Variants in CDH13 observed in about 807,000 individuals in gnomAD.
The protein encoded by CDH13 is cadherin-13.
In CDH13, 24 loss-of-function variants were observed where a neutral mutation model predicts 63.8. The ratio of observed to expected loss-of-function variants is 0.38; its 90% confidence interval spans 0.27 to 0.53. The LOEUF is 0.53. Ranked by LOEUF, CDH13 falls within the 20% of genes least tolerant of loss-of-function variation. CDH13 has a pLI of 0.85. For synonymous variants in CDH13, 503 were observed against 355.3 expected, an observed-to-expected ratio of 1.42 and a Z score of -4.67; for missense variants, 1,049 against 903.1, an observed-to-expected ratio of 1.16 and a Z score of -2.07.
chr16:82,942,373 G>T (rs976934065), intron 2 of CDH13, among the ~76,000 whole-genome samples: 3 of 152,136 alleles, frequency 2.0e-5, no homozygotes, highest in African/African-American at 7.2e-5. Flanking sequence ...ATTTAACCTT[G>T]TGCCAATATG....
intron 3 of CDH13, among the ~76,000 whole-genome samples, chr16:83,095,399 G>T (rs1393895589): frequency 6.6e-6 from 1 of 152,152 alleles, no homozygotes; most frequent in Non-Finnish European, 1.5e-5. Flanking sequence ...TTATCATCTT[G>T]TGCTGGCAAT....
At chr16:83,270,345 T>G (rs901494387) in intron 5 of CDH13, among the ~76,000 whole-genome samples, 1 of 152,202 alleles carries the variant, frequency 6.6e-6, no homozygotes, top group African/African-American at 2.4e-5. Context: ...TTTTACAGTC[T>G]GGGATGTGGC....
At position 83,125,479 on chromosome 16, in the gene CDH13, CT is replaced by C; in HGVS notation, c.464del (p.Phe155SerfsTer8). On this transcript the variant is annotated frameshift_variant, in exon 4 of 14. Transcript: ENST00000567109. LOFTEE classifies it high-confidence loss of function. ...TTAATTCCAGAGAATCAGAGACAGC[CT>C]TTCCCAAGAGATGTTGGCAAGGTAA... is the stretch of plus-strand genomic sequence containing the variant. ...PILIPENQRQPFPRDVGKVVD... is the reference protein window; with the variant it reads ...PILIPENQRQXFPRDVGKVVD... 6.2e-7 allele frequency: 1 copy of C among 1,603,196 alleles called. No homozygotes were observed. Among genetic ancestry groups the C allele is most frequent in the South Asian group, 1.1e-5 (1 of 90,732 alleles).
chr16:83,379,223 A>G (rs778597667), intron 6 of CDH13, among the ~76,000 whole-genome samples: 2 of 152,178 alleles, frequency 1.3e-5, no homozygotes, highest in Non-Finnish European at 2.9e-5. Context: ...TAACAACTGT[A>G]TATGGTTTAG....
chr16:83,679,282 G>A (rs751245735), intron 10 of CDH13, among the ~76,000 whole-genome samples: 12 of 152,258 alleles, frequency 7.9e-5, no homozygotes, highest in Non-Finnish European at 1.2e-4. Context: ...TTAAATCAGC[G>A]TGCAGATCCA....
intron 2 of CDH13, among the ~76,000 whole-genome samples, chr16:83,010,351 C>T (rs1465026328): frequency 6.6e-6 from 1 of 152,038 alleles, no homozygotes; most frequent in Non-Finnish European, 1.5e-5. Flanking sequence ...CCCCTCCCAC[C>T]TGCATTAACT....
intron 2 of CDH13, among the ~76,000 whole-genome samples, chr16:82,989,688 AG>A (rs1230194064): frequency 6.6e-6 from 1 of 152,208 alleles, no homozygotes; most frequent in Non-Finnish European, 1.5e-5. Flanking sequence ...TTCAAGGTGC[AG>A]GGTATTGCCT....
intron 3 of CDH13, among the ~76,000 whole-genome samples, chr16:83,035,214 CA>C (rs1175020334): frequency 6.6e-6 from 1 of 152,152 alleles, no homozygotes; most frequent in African/African-American, 2.4e-5. Flanking sequence ...TGTGTGCAGC[CA>C]AGTGGGCCAG....
chr16:82,722,362 C>T (rs1444803799), intron 1 of CDH13, among the ~76,000 whole-genome samples: 2 of 152,114 alleles, frequency 1.3e-5, no homozygotes, highest in Non-Finnish European at 2.9e-5. Context: ...CCATGTGATA[C>T]CGGCTATTGG....
intron 3 of CDH13, among the ~76,000 whole-genome samples, chr16:83,056,433 C>G (rs1056799215): frequency 2.0e-4 from 30 of 150,590 alleles, no homozygotes; most frequent in African/African-American, 7.1e-4. Context: ...AATTTTGGCA[C>G]ATATATCATA....
chr16:82,700,041 G>T (rs1043661022), intron 1 of CDH13, among the ~76,000 whole-genome samples: 2 of 151,742 alleles, frequency 1.3e-5, no homozygotes, highest in African/African-American at 4.9e-5. Flanking sequence ...TGTTACAGAA[G>T]TTTGGTCTTT....
intron 1 of CDH13, among the ~76,000 whole-genome samples, chr16:82,821,099 C>A (rs1269753155): frequency 2.0e-5 from 3 of 152,194 alleles, no homozygotes; most frequent in Non-Finnish European, 2.9e-5. Context: ...AGCTTGCAAA[C>A]TGATGACTAC....
At chr16:83,470,571 A>C (rs1403498746) in intron 6 of CDH13, among the ~76,000 whole-genome samples, 1 of 152,200 alleles carries the variant, frequency 6.6e-6, no homozygotes, top group African/African-American at 2.4e-5. Flanking sequence ...TCATTGCCTC[A>C]AAGTTGCCAC....
At chr16:83,055,814 C>T (rs1334735927) in intron 3 of CDH13, among the ~76,000 whole-genome samples, 2 of 152,068 alleles carry the variant, frequency 1.3e-5, no homozygotes, top group Non-Finnish European at 2.9e-5. Context: ...AATTATAAGC[C>T]AGTCTCTCTA....
rs556006078 is a variant in CDH13, at chr16:83,709,414, C to T, written c.1538+30953C>T. 1.5e-3 allele frequency among the ~76,000 whole-genome samples: 225 copies of T among 152,342 alleles called. 1 individual carries two copies. The highest frequency in any genetic ancestry group is 2.1e-3 in the Non-Finnish European group (146 of 68,030). On this transcript the variant is annotated intron_variant, in intron 10 of 13. Transcript: ENST00000567109. Reference sequence around the variant, plus strand: ...CAGCGGACTCCCTCTATAATCAGTACGGTCCATTCAGCATTCATCCATGCA... The same window carrying T: ...CAGCGGACTCCCTCTATAATCAGTATGGTCCATTCAGCATTCATCCATGCA...
intron 3 of CDH13, among the ~76,000 whole-genome samples, chr16:83,117,980 T>G (rs945916055): frequency 2.6e-5 from 4 of 152,202 alleles, no homozygotes; most frequent in Non-Finnish European, 5.9e-5. Flanking sequence ...CTTAGCTGCA[T>G]GAAACCGGAG....
At chr16:82,631,539 A>G (rs1908008283) in intron 1 of CDH13, among the ~76,000 whole-genome samples, 2 of 152,184 alleles carry the variant, frequency 1.3e-5, no homozygotes, top group South Asian at 4.1e-4. Flanking sequence ...CCAGGTACCC[A>G]TGCACCTGTG....
chr16:83,205,698 G>A (rs1005406719), intron 4 of CDH13, among the ~76,000 whole-genome samples: 17 of 147,162 alleles, frequency 1.2e-4, no homozygotes, highest in African/African-American at 4.3e-4. Context: ...TCCACCTCCT[G>A]ATTTCAAGCG....
chr16:83,382,072 A>G (rs561488024), intron 6 of CDH13, among the ~76,000 whole-genome samples: 1 of 152,110 alleles, frequency 6.6e-6, no homozygotes, highest in Non-Finnish European at 1.5e-5. Context: ...TTCCACCCCA[A>G]CTCTACCAGC....
Sources: allele counts gnomAD v4.1 joint callset (sites outside exome capture counted in the v4.1 genomes callset), GRCh38; gene constraint gnomAD v4.1.1; transcripts MANE v1.5; gene names NCBI Gene and HGNC (gene_info 2026-07-23, HGNC 2026-07-21).